FRMPD4: variants seen among roughly 807,000 people sequenced by gnomAD.
FRMPD4 encodes the protein FERM and PDZ domain containing 4, also known as FERM and PDZ domain-containing protein 4.
In FRMPD4, 22 loss-of-function variants were observed where a neutral mutation model predicts 94.1. That is an observed-to-expected ratio of 0.23 (90% CI 0.17 to 0.33). The LOEUF (loss-of-function observed/expected upper bound fraction) is 0.33, where lower values mean the gene tolerates loss of function less well. Among genes scored for constraint, FRMPD4 ranks in the 10% least tolerant of loss-of-function variants. The pLI, the probability that FRMPD4 is intolerant of heterozygous loss-of-function variation, is 1.00. For missense variants in FRMPD4, 1,111 were observed against 1,339.9 expected (o/e 0.83, Z 2.67); for synonymous variants, 631 against 548.6 (o/e 1.15, Z -2.10).
intron 1 of FRMPD4, among the ~76,000 whole-genome samples, chrX:12,481,502 A>G (rs1203948278): frequency 1.8e-5 from 2 of 111,131 alleles, no homozygotes; most frequent in African/African-American, 6.5e-5. Flanking sequence ...GCTGACTTTC[A>G]TGACTCACCA....
Position 12,546,846 on chromosome X carries a change from C to A in FRMPD4, c.158+48050C>A, listed in dbSNP as rs767431241. ...GGCTTTACCTGGCACTGACCGTGTC[C>A]TCCTCCATTAAAACACTGGTACCAG... On this transcript the variant is annotated intron_variant, in intron 2 of 16. Transcript: ENST00000675598. 2.0e-4 allele frequency among the ~76,000 whole-genome samples: 22 copies of A among 107,971 alleles called. 1 individual carries two copies. Among genetic ancestry groups the A allele is most frequent in the Middle Eastern group, 9.4e-3 (2 of 212 alleles). 93.8% of individuals were successfully genotyped at this position (107,971 alleles called of 115,157 possible).
chrX:12,199,139 T>C (rs2056599192), intron 1 of FRMPD4, among the ~76,000 whole-genome samples: 1 of 111,475 alleles, frequency 9.0e-6, no homozygotes, highest in African/African-American at 3.3e-5. Context: ...TCATAGAGTA[T>C]GTGTGCCTTT....
At chrX:12,496,338 T>G (rs1186193122) in intron 1 of FRMPD4, among the ~76,000 whole-genome samples, 2 of 112,293 alleles carry the variant, frequency 1.8e-5, no homozygotes, top group Non-Finnish European at 3.8e-5. Context: ...CTGAATTACT[T>G]GTTTCAATGC....
intron 1 of FRMPD4, among the ~76,000 whole-genome samples, chrX:12,427,897 C>CTTTTT (rs139267482): frequency 7.3e-5 from 4 of 54,754 alleles, no homozygotes; most frequent in Admixed American, 2.9e-4. Context: ...CCTTTTTTCT[C>CTTTTT]TTTTTTTTTT....
chrX:11,833,454 C>T (rs2053485451), intron 1 of FRMPD4, among the ~76,000 whole-genome samples: 1 of 111,735 alleles, frequency 8.9e-6, no homozygotes, highest in Admixed American at 9.5e-5. Context: ...ATTTTTCATT[C>T]CGACCAGTAA....
chrX:12,469,910 C>T (rs2057490940), intron 1 of FRMPD4, among the ~76,000 whole-genome samples: 1 of 112,292 alleles, frequency 8.9e-6, no homozygotes, highest in Non-Finnish European at 1.9e-5. Flanking sequence ...TGACATACAG[C>T]AATGAGGACA....
intron 1 of FRMPD4, among the ~76,000 whole-genome samples, chrX:12,234,836 C>T (rs1329841726): frequency 8.9e-6 from 1 of 111,840 alleles, no homozygotes; most frequent in African/African-American, 3.3e-5. Context: ...TTGGACACTG[C>T]TGGGGAGAAG....
intron 3 of FRMPD4, among the ~76,000 whole-genome samples, chrX:12,106,586 A>C (rs1439877234): frequency 9.0e-6 from 1 of 111,327 alleles, no homozygotes; most frequent in Non-Finnish European, 1.9e-5. Flanking sequence ...ACCGAGCATG[A>C]GCTTAAGCAG....
At chrX:11,853,462 A>C (rs1348167490) in intron 1 of FRMPD4, among the ~76,000 whole-genome samples, 4 of 111,471 alleles carry the variant, frequency 3.6e-5, no homozygotes, top group Non-Finnish European at 7.5e-5. Context: ...TTTTAAAAAA[A>C]ATTAAAAATA....
intron 2 of FRMPD4, among the ~76,000 whole-genome samples, chrX:12,599,182 A>G (rs988350627): frequency 3.6e-5 from 4 of 111,392 alleles, no homozygotes; most frequent in Non-Finnish European, 5.6e-5. Flanking sequence ...CTGCCCTAAA[A>G]TATGGATACA....
At chrX:12,619,711 C>A (rs1040315920) in intron 4 of FRMPD4, among the ~76,000 whole-genome samples, 4 of 112,313 alleles carry the variant, frequency 3.6e-5, no homozygotes, top group Non-Finnish European at 7.5e-5. Flanking sequence ...GATCTGCTGA[C>A]CTTGGCCCCA....
Position 12,301,522 on chromosome X carries a change from C to T in FRMPD4, c.41+162510C>T, listed in dbSNP as rs776989627. Among the ~76,000 whole-genome samples, 4 of 111,530 alleles carry T rather than the reference C, an allele frequency of 3.6e-5. No homozygotes were observed. In the South Asian group the frequency reaches 1.1e-3, roughly 32 times the overall value. On this transcript the variant is annotated intron_variant, in intron 1 of 16. Transcript: ENST00000675598. ...TCCTCTCCCATGTTAGTCTGTCTTG[C>T]GAGACCCAGTCTGAACATCACTTCC... is the stretch of plus-strand genomic sequence containing the variant.
chrX:11,970,192 C>T (rs191821960), intron 3 of FRMPD4, among the ~76,000 whole-genome samples: 5 of 112,291 alleles, frequency 4.5e-5, no homozygotes, highest in Non-Finnish European at 9.4e-5. Context: ...CTTTTCAACT[C>T]AGTACCTTCA....
chrX:12,128,902 C>T (rs761637107), intron 3 of FRMPD4, among the ~76,000 whole-genome samples: 17 of 111,960 alleles, frequency 1.5e-4, no homozygotes, highest in Admixed American at 2.8e-4. Context: ...TAGCAAGAGT[C>T]GCCTTTATTC....
chrX:11,891,364 C>A (rs1457016811), intron 3 of FRMPD4, among the ~76,000 whole-genome samples: 1 of 112,354 alleles, frequency 8.9e-6, no homozygotes, highest in South Asian at 3.7e-4. Flanking sequence ...TTCCTCCTTG[C>A]TGTTCCCTTT....
intron 1 of FRMPD4, among the ~76,000 whole-genome samples, chrX:12,241,014 T>G (rs1178808534): frequency 1.8e-5 from 2 of 112,326 alleles, no homozygotes; most frequent in Non-Finnish European, 3.8e-5. Flanking sequence ...AACAGGAATA[T>G]GGCAATAAGA....
At chrX:12,154,100 T>C (rs1211545942) in intron 1 of FRMPD4, among the ~76,000 whole-genome samples, 1 of 112,769 alleles carries the variant, frequency 8.9e-6, no homozygotes, top group Non-Finnish European at 1.9e-5. Context: ...CAAGTGATTC[T>C]TGTTGGAGAC....
At chrX:12,532,578 A>G (rs998549703) in intron 2 of FRMPD4, among the ~76,000 whole-genome samples, 1 of 112,027 alleles carries the variant, frequency 8.9e-6, no homozygotes. Flanking sequence ...TTGTGTAGAT[A>G]TAACATTCAT....
In FRMPD4 at chrX:11,851,262, A is replaced by G. The variant is rs991727150; in HGVS notation, c.-160-13824A>G. ...AAATGGTTGTTGTTTTTTTAAACAG[A>G]TTTGTCCAGTTTCATGGGGAGAGGA... On this transcript the variant is annotated intron_variant, in intron 1 of 18. Transcript: ENST00000640291. 2.7e-5 allele frequency among the ~76,000 whole-genome samples: 3 copies of G among 111,867 alleles called. No individual in the cohort carries two copies. In the East Asian group the frequency reaches 8.4e-4, roughly 31 times the overall value.
Sources: gnomAD v4.1 joint callset for allele counts (sites outside exome capture counted in the v4.1 genomes callset) on GRCh38, gnomAD v4.1.1 for gene constraint, MANE v1.5 for transcripts, NCBI Gene and HGNC (gene_info 2026-07-23, HGNC 2026-07-21) for gene names.